EXTL3: variants seen among roughly 807,000 people sequenced by gnomAD.
EXTL3 encodes exostosin-like 3.
EXTL3 carries 27 observed loss-of-function variants against 69.3 expected under a neutral mutation model. The ratio of observed to expected loss-of-function variants is 0.39; its 90% CI spans 0.29 to 0.54. EXTL3 has a LOEUF of 0.54. Ranked by LOEUF, EXTL3 falls within the 20% of genes least tolerant of loss-of-function variation. EXTL3 has a pLI of 0.69. For missense variants in EXTL3, 1,003 were observed against 1,231.8 expected, an observed-to-expected ratio of 0.81 and a Z score of 2.78; for synonymous variants, 511 against 499.4, an observed-to-expected ratio of 1.02 and a Z score of -0.31.
At chr8:28,740,022 A>G (rs1033239657) in intron 5 of EXTL3, 1 of 152,240 alleles carries the variant, frequency 6.6e-6, no homozygotes, top group African/African-American at 2.4e-5. Context: ...GTGAAAATCT[A>G]TAAAGAAGAT....
At chr8:28,748,099 G>A (rs1402945596) in intron 6 of EXTL3, among the ~76,000 whole-genome samples, 6 of 152,140 alleles carry the variant, frequency 3.9e-5, no homozygotes, top group Non-Finnish European at 5.9e-5. Context: ...TAGGCTGGGC[G>A]CTGTGGCTCA....
intron 1 of EXTL3, among the ~76,000 whole-genome samples, chr8:28,657,607 G>A (rs1807032143): frequency 1.3e-5 from 2 of 151,990 alleles, no homozygotes; most frequent in Admixed American, 1.3e-4. Flanking sequence ...AACAATCATG[G>A]TTTGGTTTTT....
chr8:28,717,946 C>G lies in EXTL3; in HGVS notation c.1887C>G (p.Phe629Leu). The G allele has an allele frequency of 6.2e-7, 1 of 1,614,254 alleles. No homozygotes were observed. The highest frequency in any genetic ancestry group is 8.5e-7 in the Non-Finnish European group (1 of 1,180,046). ...CTGTGTTGCCCTCAGAGGCCAAATT[C>G]TTGGGCTCAGGGACTGGCTTTCGGC... ...FDPVLPSEAKFLGSGTGFRPI... is the reference protein window; with the variant it reads ...FDPVLPSEAKLLGSGTGFRPI... The change falls in exon 3 of 7, where the codon TTC (phenylalanine) becomes TTG (leucine). Residue 629 changes from phenylalanine (F) to leucine (L), a missense_variant. This residue lies in a region of EXTL3 where 261 missense variants were observed against 416.4 expected (regional missense o/e 0.63). Transcript: ENST00000220562. This position sits in a 1 kb window ranked among gnomAD's most constrained non-coding sequence, Gnocchi z 8.3.
rs1416266794 is a variant in EXTL3 at position 28,752,687 on chromosome 8, T to C, written c.*1821T>C. 5 of 152,718 alleles carry C rather than the reference T, an allele frequency of 3.3e-5. No homozygotes were observed. Among genetic ancestry groups the C allele is most frequent in the Non-Finnish European group, 7.3e-5 (5 of 68,134 alleles). The allele number at this position is 152,718 out of a possible 1,614,324, so 9.5% of individuals were successfully genotyped here. A position where few individuals can be genotyped will look rare whatever the true frequency, so the allele number is the denominator to read the frequency against. ...CTGTAGCTCCCCTGCTGAGGCAGTG[T>C]GGTTATGTTCCCAGCAGTGGGGGTC... is the stretch of plus-strand genomic sequence containing the variant. On this transcript the variant is annotated 3_prime_UTR_variant, in exon 7 of 7. Coordinates refer to ENST00000220562, the MANE Select transcript of EXTL3 (RefSeq NM_001440.4).
intron 6 of EXTL3, among the ~76,000 whole-genome samples, chr8:28,744,415 T>C (rs1362793629): frequency 1.3e-5 from 2 of 152,156 alleles, no homozygotes; most frequent in Non-Finnish European, 2.9e-5. Flanking sequence ...CCCAGCACTT[T>C]TGGAGGCTGA....
chr8:28,681,244 C>T (rs1386595504), intron 1 of EXTL3, among the ~76,000 whole-genome samples: 3 of 151,834 alleles, frequency 2.0e-5, no homozygotes, highest in Non-Finnish European at 4.4e-5. Context: ...GACAGACACA[C>T]TGGCTCACGC....
At chr8:28,657,069 C>A (rs1377911194) in intron 1 of EXTL3, among the ~76,000 whole-genome samples, 1 of 152,006 alleles carries the variant, frequency 6.6e-6, no homozygotes, top group Non-Finnish European at 1.5e-5. Flanking sequence ...GTAGGTGGAA[C>A]TACAGGCGCC....
At chr8:28,738,382 C>G (rs1242774065) in intron 5 of EXTL3, among the ~76,000 whole-genome samples, 2 of 152,224 alleles carry the variant, frequency 1.3e-5, no homozygotes, top group East Asian at 3.8e-4. Flanking sequence ...TGTCAGATAG[C>G]TCAGTAATTG....
intron 1 of EXTL3, among the ~76,000 whole-genome samples, chr8:28,636,050 G>A (rs1293375571): frequency 1.3e-5 from 2 of 152,012 alleles, no homozygotes; most frequent in Non-Finnish European, 2.9e-5. Flanking sequence ...GCAAATGTTG[G>A]TCCAGCACAG....
chr8:28,713,903 C>CT (rs55737430), intron 2 of EXTL3, among the ~76,000 whole-genome samples: 17,706 of 113,826 alleles, frequency 0.16, 1,764 homozygotes, highest in African/African-American at 0.25. Flanking sequence ...TTCTTTCTTT[C>CT]TTTTTTTTTT....
intron 3 of EXTL3, among the ~76,000 whole-genome samples, chr8:28,721,892 A>T (rs1801298955): frequency 2.0e-5 from 3 of 152,190 alleles, no homozygotes; most frequent in Admixed American, 2.0e-4. Context: ...TCTTTCATTT[A>T]CTAACAGTGT....
At chr8:28,732,689 G>A (rs192377196) in intron 4 of EXTL3, among the ~76,000 whole-genome samples, 2 of 152,232 alleles carry the variant, frequency 1.3e-5, no homozygotes, top group Middle Eastern at 3.4e-3. Flanking sequence ...CACGGAACAT[G>A]ATGTTTTCAA....
intron 1 of EXTL3, among the ~76,000 whole-genome samples, chr8:28,628,169 C>T (rs963180588): frequency 2.6e-5 from 4 of 152,112 alleles, no homozygotes; most frequent in African/African-American, 9.7e-5. Context: ...CAAGACAAGC[C>T]CAGCCAACAT....
intron 1 of EXTL3, among the ~76,000 whole-genome samples, chr8:28,705,354 T>A (rs1170342736): frequency 2.0e-5 from 3 of 152,004 alleles, no homozygotes; most frequent in African/African-American, 7.3e-5. Flanking sequence ...AATATGGTAA[T>A]GATGATGGGA....
intron 1 of EXTL3, among the ~76,000 whole-genome samples, chr8:28,664,464 T>C (rs1807163492): frequency 6.6e-6 from 1 of 152,176 alleles, no homozygotes; most frequent in African/African-American, 2.4e-5. Context: ...CTCACAGACG[T>C]GAGCCACTGC....
rs1285798269 is a variant in EXTL3, at chr8:28,754,595, G to C, written c.*3729G>C. 6.6e-6 allele frequency: 1 copy of C among 152,260 alleles called. No individual in the cohort carries two copies. The highest frequency in any genetic ancestry group is 1.5e-5 in the Non-Finnish European group (1 of 68,090). The allele number at this position is 152,260 out of a possible 1,614,324, so 9.4% of individuals were successfully genotyped here. A position where few individuals can be genotyped will look rare whatever the true frequency, so the allele number is the denominator to read the frequency against. ...TCCTGGGACCAGAGAGACTTGAGAA[G>C]GTGGCATGAGGCTGTAGAAAATGTG... On this transcript the variant is annotated 3_prime_UTR_variant, in exon 7 of 7. Coordinates refer to ENST00000220562, the MANE Select transcript of EXTL3 (RefSeq NM_001440.4).
chr8:28,744,970 AAAT>A (rs537049571), intron 6 of EXTL3, among the ~76,000 whole-genome samples: 205 of 152,226 alleles, frequency 1.3e-3, no homozygotes, highest in Middle Eastern at 0.01. Flanking sequence ...CTCAAAAAGA[AAAT>A]AATAATAATA....
chr8:28,682,095 C>T (rs1436003118), intron 1 of EXTL3, among the ~76,000 whole-genome samples: 3 of 152,114 alleles, frequency 2.0e-5, no homozygotes, highest in South Asian at 2.1e-4. Flanking sequence ...CTTTTTTTTA[C>T]GTCTACATCA....
chr8:28,630,727 A>T (rs960261245), intron 1 of EXTL3, among the ~76,000 whole-genome samples: 6 of 152,250 alleles, frequency 3.9e-5, no homozygotes, highest in Non-Finnish European at 8.8e-5. Flanking sequence ...ACAGGTAAGG[A>T]TGGGTAAGAC....
Sources: gnomAD v4.1 joint callset for allele counts (sites outside exome capture counted in the v4.1 genomes callset) on GRCh38, gnomAD v4.1.1 for gene constraint, gnomAD v4.1.1 regional missense constraint, Gnocchi (gnomAD v3.1) non-coding constraint, MANE v1.5 for transcripts, NCBI Gene and HGNC (gene_info 2026-07-23, HGNC 2026-07-21) for gene names.